Variants in PDZD2 observed in about 807,000 individuals in gnomAD.
PDZD2 encodes the protein PDZ domain containing 2, also known as PDZ domain-containing protein 2.
PDZD2 carries 90 observed loss-of-function variants against 220.7 expected under a neutral mutation model. The observed-to-expected ratio is 0.41, with a 90% CI of 0.34 to 0.49. The LOEUF (loss-of-function observed/expected upper bound fraction) is 0.49, where lower values mean the gene tolerates loss of function less well. Among genes scored for constraint, PDZD2 ranks in the 20% least tolerant of loss-of-function variants. The pLI is 0.28. For missense variants in PDZD2, 3,174 were observed against 3,608.5 expected (o/e 0.88, Z 3.08); for synonymous variants, 1,375 against 1,450.5 (o/e 0.95, Z 1.18).
At chr5:31,880,897 G>A (rs1002075982) in intron 2 of PDZD2, among the ~76,000 whole-genome samples, 2 of 142,472 alleles carry the variant, frequency 1.4e-5, no homozygotes, top group East Asian at 2.1e-4. Context: ...CGCCTCCCAG[G>A]TTCAAGCGAT....
At chr5:31,684,091 C>A (rs1746754126) in intron 1 of PDZD2, among the ~76,000 whole-genome samples, 1 of 152,136 alleles carries the variant, frequency 6.6e-6, no homozygotes, top group Non-Finnish European at 1.5e-5. Context: ...TCTATTTTCC[C>A]TGTAGATCTG....
chr5:32,063,031 T>TATTATG (rs1383147808), intron 14 of PDZD2, among the ~76,000 whole-genome samples: 12 of 145,934 alleles, frequency 8.2e-5, no homozygotes, highest in African/African-American at 3.0e-4. Flanking sequence ...AATGAAATAT[T>TATTATG]ATTATTATTA....
chr5:32,035,322 G>A (rs1045471577), intron 6 of PDZD2, among the ~76,000 whole-genome samples: 1 of 151,712 alleles, frequency 6.6e-6, no homozygotes, highest in Admixed American at 6.6e-5. Context: ...GTGCAGTGGC[G>A]TGATCTCGGC....
chr5:32,088,756 T>C lies in PDZD2; in HGVS notation c.5308T>C (p.Ser1770Pro). ...TGTGGATGTCCCTAAGAATGGAGAA[T>C]CTGTTTTGGAAAACCTCCACATCTC... The part of the protein sequence containing the change: ...FSVDVPKNGE[S>P]VLENLHISES... The change falls in exon 20 of 25, where the codon TCT (serine) becomes CCT (proline). Residue 1770 changes from serine (S) to proline (P), a missense_variant. Ser to Pro is a moderately conservative substitution (Grantham distance 74). This residue lies in a region of PDZD2 where 1,861 missense variants were observed against 2,001.0 expected (regional missense o/e 0.93). Transcript: ENST00000438447. The surrounding 1 kb of genome is among the most constrained non-coding windows in gnomAD (Gnocchi z 4.6). 6.2e-7 allele frequency: 1 copy of C among 1,614,074 alleles called. No homozygotes were observed. Among genetic ancestry groups the C allele is most frequent in the Non-Finnish European group, 8.5e-7 (1 of 1,179,978 alleles).
intron 6 of PDZD2, among the ~76,000 whole-genome samples, chr5:32,022,177 G>GT (rs1438838239): frequency 5.9e-4 from 54 of 92,216 alleles, no homozygotes; most frequent in Admixed American, 1.5e-3. Context: ...TTTTCGTTTT[G>GT]TTTTTTTGTT....
chr5:31,884,578 C>T (rs947074645), intron 2 of PDZD2, among the ~76,000 whole-genome samples: 1 of 151,700 alleles, frequency 6.6e-6, no homozygotes, highest in Non-Finnish European at 1.5e-5. Context: ...ACAATTTGGA[C>T]GTCATTGTAT....
chr5:32,096,292 G>C (rs1025838108), intron 21 of PDZD2, among the ~76,000 whole-genome samples: 1 of 152,146 alleles, frequency 6.6e-6, no homozygotes, highest in South Asian at 2.1e-4. Context: ...AAGTTCTGCG[G>C]GACAGTCTAG....
intron 1 of PDZD2, among the ~76,000 whole-genome samples, chr5:31,748,259 G>A (rs1461393588): frequency 6.6e-6 from 1 of 152,136 alleles, no homozygotes; most frequent in Non-Finnish European, 1.5e-5. Context: ...TTTTGCTGTT[G>A]TTGTCACATC....
chr5:31,890,359 G>A (rs953387200), intron 2 of PDZD2, among the ~76,000 whole-genome samples: 1 of 152,018 alleles, frequency 6.6e-6, no homozygotes, highest in African/African-American at 2.4e-5. Flanking sequence ...ATTGGACAGC[G>A]CAGTTCTGTG....
chr5:32,044,455 T>G (rs1056295612), intron 7 of PDZD2, among the ~76,000 whole-genome samples: 4 of 152,098 alleles, frequency 2.6e-5, no homozygotes, highest in Non-Finnish European at 5.9e-5. Flanking sequence ...TGTCTGGATC[T>G]CAAGGATGCA....
At chr5:31,689,107 C>A (rs532980904) in intron 1 of PDZD2, among the ~76,000 whole-genome samples, 11 of 151,584 alleles carry the variant, frequency 7.3e-5, no homozygotes, top group Admixed American at 1.3e-4. Flanking sequence ...TCGCTCTTGT[C>A]ACTCAGGCTG....
At chr5:31,739,727 A>G (rs1580660551) in intron 1 of PDZD2, among the ~76,000 whole-genome samples, 1 of 152,232 alleles carries the variant, frequency 6.6e-6, no homozygotes. Flanking sequence ...TATCAAATGA[A>G]GAAACATGGA....
intron 2 of PDZD2, among the ~76,000 whole-genome samples, chr5:31,861,206 C>G (rs971437180): frequency 1.3e-5 from 2 of 152,142 alleles, no homozygotes; most frequent in Non-Finnish European, 2.9e-5. Flanking sequence ...GAGTAAGTAG[C>G]AGGTCCCAGA....
chr5:31,702,346 G>C (rs1561392900), intron 1 of PDZD2, among the ~76,000 whole-genome samples: 1 of 152,232 alleles, frequency 6.6e-6, no homozygotes, highest in Non-Finnish European at 1.5e-5. Flanking sequence ...GTTAAGCGGT[G>C]AAAGAGATTT....
chr5:31,880,966 T>G (rs991924108), intron 2 of PDZD2, among the ~76,000 whole-genome samples: 1 of 151,506 alleles, frequency 6.6e-6, no homozygotes, highest in African/African-American at 2.4e-5. Flanking sequence ...CATGCCCGGC[T>G]AATTTCTGTA....
intron 2 of PDZD2, among the ~76,000 whole-genome samples, chr5:31,852,570 G>A (rs1259596469): frequency 6.6e-6 from 1 of 151,614 alleles, no homozygotes; most frequent in East Asian, 2.0e-4. Context: ...ACAGGCATGA[G>A]CCACCACGTG....
At chr5:32,073,589 TG>T (rs1452854706) in intron 17 of PDZD2, among the ~76,000 whole-genome samples, 2 of 142,578 alleles carry the variant, frequency 1.4e-5, no homozygotes, top group Non-Finnish European at 3.0e-5. Context: ...ATCCAGAGGT[TG>T]GGGTTTAAGA....
chr5:31,664,353 C>T (rs968721872), intron 1 of PDZD2, among the ~76,000 whole-genome samples: 4 of 152,032 alleles, frequency 2.6e-5, no homozygotes, highest in Non-Finnish European at 5.9e-5. Flanking sequence ...ATTTCTCTCT[C>T]ACAAACAGCC....
At chr5:31,954,253 A>G (rs1030673704) in intron 2 of PDZD2, among the ~76,000 whole-genome samples, 1 of 152,226 alleles carries the variant, frequency 6.6e-6, no homozygotes, top group African/African-American at 2.4e-5. Context: ...TACAAATTGC[A>G]TGATTGCATG....
Sources: allele counts gnomAD v4.1 joint callset (sites outside exome capture counted in the v4.1 genomes callset), GRCh38; gene constraint gnomAD v4.1.1; regional missense constraint gnomAD v4.1.1; non-coding constraint Gnocchi (gnomAD v3.1); transcripts MANE v1.5; gene names NCBI Gene and HGNC (gene_info 2026-07-23, HGNC 2026-07-21).